Variants in BAIAP2 observed in about 807,000 individuals in gnomAD.
BAIAP2 encodes BAR/IMD domain containing adaptor protein 2.
BAIAP2 carries 18 observed loss-of-function variants against 63.0 expected under a neutral mutation model. The ratio of observed to expected loss-of-function variants is 0.29; its 90% CI spans 0.20 to 0.42. The LOEUF (loss-of-function observed/expected upper bound fraction) is 0.42, where lower values mean the gene tolerates loss of function less well. Among genes scored for constraint, BAIAP2 ranks in the 10% least tolerant of loss-of-function variants. The pLI, the probability that BAIAP2 is intolerant of heterozygous loss-of-function variation, is 1.00. For synonymous variants in BAIAP2, 386 were observed against 307.6 expected (o/e 1.25, Z -2.67); for missense variants, 610 against 734.3 (o/e 0.83, Z 1.96).
At chr17:81,060,811 T>TTCC (rs1237953782) in intron 3 of BAIAP2, among the ~76,000 whole-genome samples, 3 of 151,650 alleles carry the variant, frequency 2.0e-5, no homozygotes, top group African/African-American at 4.8e-5. Context: ...GTTTATGCCA[T>TTCC]TCCTCCTCCT....
chr17:81,116,646 C>T lies in BAIAP2; in HGVS notation c.*807C>T, dbSNP rs1462154647. On this transcript the variant is annotated 3_prime_UTR_variant, in exon 14 of 14. Transcript: ENST00000428708. ...CCCAGGACTCCTGGGTGGACCTCCC[C>T]CCCCCACCTCCGCTGACTCCTGCAG... The T allele has an allele frequency of 2.6e-6, 1 of 387,168 alleles. No homozygotes were observed. The highest frequency in any genetic ancestry group is 4.8e-6 in the Non-Finnish European group (1 of 207,766). The allele number at this position is 387,168 out of a possible 1,614,324, so 24.0% of individuals were successfully genotyped here. A position where few individuals can be genotyped will look rare whatever the true frequency, so the allele number is the denominator to read the frequency against.
intron 3 of BAIAP2, among the ~76,000 whole-genome samples, chr17:81,078,335 G>A (rs374141162): frequency 1.0e-4 from 14 of 139,008 alleles, no homozygotes; most frequent in Admixed American, 2.9e-4. Flanking sequence ...GGTGGGAGCC[G>A]GGCGCTGTGG....
intron 1 of BAIAP2, 120 bp from the exon 2 acceptor site, chr17:81,053,548 T>G: frequency 9.9e-7 from 1 of 1,005,474 alleles, no homozygotes; most frequent in Non-Finnish European, 1.5e-6. Context: ...CCTTGAGCAT[T>G]TGTGGTGTCG....
rs79510785 is a variant in BAIAP2, at chr17:81,094,597, C to T, written c.490-5331C>T. ...CCCAGCCCGGGTCTTGCTCAGAGCA[C>T]GTGTGTTCAGCGTGAGATTTAAGGG... On this transcript the variant is annotated intron_variant, in intron 6 of 13. Transcript: ENST00000428708. Among the ~76,000 whole-genome samples, 130 of 152,294 alleles carry T rather than the reference C, an allele frequency of 8.5e-4. No homozygotes were observed. In the East Asian group the frequency reaches 0.023, roughly 27 times the overall value.
Position 81,084,841 on chromosome 17 carries a change from T to A in BAIAP2, c.227T>A (p.Leu76His). The change falls in exon 4 of 14, where the codon CTC (leucine) becomes CAC (histidine). Residue 76 changes from leucine to histidine, a missense_variant. By Grantham distance (99) the Leu-to-His change is moderately conservative. Around this residue, in one of 5 missense-constraint regions of BAIAP2, gnomAD observed 389 missense variants for 455.6 expected, o/e 0.85. Coordinates refer to ENST00000428708, the MANE Select transcript of BAIAP2 (RefSeq NM_001144888.2). ...CTGTTCTGCTTCCCAGGAGACGTTC[T>A]CTTCCAGATGGCTGAAGTCCACAGG... is the stretch of plus-strand genomic sequence containing the variant. ...SQGSKELGDV[L>H]FQMAEVHRQI... 1 of 1,613,848 alleles carries A rather than the reference T, an allele frequency of 6.2e-7. No homozygotes were observed. Among genetic ancestry groups the A allele is most frequent in the Non-Finnish European group, 8.5e-7 (1 of 1,180,018 alleles).
chr17:81,108,577 C>T lies in BAIAP2; in HGVS notation c.1535+68C>T, dbSNP rs566059164. On this transcript the variant is annotated intron_variant, in intron 13 of 13. Coordinates refer to ENST00000428708, the MANE Select transcript of BAIAP2 (RefSeq NM_001144888.2). ...GTGAAGAGGCCGGGTGGGGCAGGTCCCTCTGCTAGGACCTGGGGCCACCTC... is the reference window on the plus strand; with the variant it reads ...GTGAAGAGGCCGGGTGGGGCAGGTCTCTCTGCTAGGACCTGGGGCCACCTC... The T allele has an allele frequency of 5.4e-4, 856 of 1,592,056 alleles. 3 individuals are homozygous for T. The highest frequency in any genetic ancestry group is 2.7e-3 in the Admixed American group (160 of 59,884).
chr17:81,084,475 G>A (rs990266133), intron 3 of BAIAP2, among the ~76,000 whole-genome samples: 3 of 152,112 alleles, frequency 2.0e-5, no homozygotes, highest in South Asian at 2.1e-4. Context: ...GGGTCTCTGC[G>A]AACGACAGCC....
Position 81,116,349 on chromosome 17 carries a change from C to T in BAIAP2, c.*510C>T, listed in dbSNP as rs1395056576. On this transcript the variant is annotated 3_prime_UTR_variant, in exon 14 of 14. Coordinates refer to ENST00000428708, the MANE Select transcript of BAIAP2 (RefSeq NM_001144888.2). Reference sequence around the variant, plus strand: ...ATTCCCTGCAGGTCCGGCAGCTACACCTGGAGTGTGGGGCCTGGTCCCTCC... The same window carrying T: ...ATTCCCTGCAGGTCCGGCAGCTACATCTGGAGTGTGGGGCCTGGTCCCTCC... 8 of 1,609,232 alleles carry T rather than the reference C, an allele frequency of 5.0e-6. No homozygotes were observed. Among genetic ancestry groups the T allele is most frequent in the Non-Finnish European group, 5.9e-6 (7 of 1,178,138 alleles).
intron 3 of BAIAP2, among the ~76,000 whole-genome samples, chr17:81,073,073 T>TGCTCTGGG (rs2144862634): frequency 1.3e-5 from 2 of 152,192 alleles, no homozygotes; most frequent in East Asian, 3.9e-4. Context: ...GGAGGGTACC[T>TGCTCTGGG]GCTCTGGGGC....
At chr17:81,098,365 C>G (rs2057995139) in intron 6 of BAIAP2, among the ~76,000 whole-genome samples, 1 of 152,216 alleles carries the variant, frequency 6.6e-6, no homozygotes, top group Admixed American at 6.5e-5. Context: ...GTTGGAGAGG[C>G]CTGGGCTCAG....
At chr17:81,065,122 G>A (rs2051238829) in intron 3 of BAIAP2, among the ~76,000 whole-genome samples, 1 of 152,204 alleles carries the variant, frequency 6.6e-6, no homozygotes, top group Admixed American at 6.5e-5. Context: ...TCATCCTCTT[G>A]GGCTTTGTGC....
intron 1 of BAIAP2, among the ~76,000 whole-genome samples, 174 bp downstream of exon 1, chr17:81,035,482 AG>A (rs995261455): frequency 4.1e-5 from 6 of 147,784 alleles, no homozygotes; most frequent in African/African-American, 1.5e-4. Context: ...TGGGGTGGTG[AG>A]CCCGGCGCCG....
Position 81,106,923 on chromosome 17 carries a change from C to CGGGGCT in BAIAP2, c.1500+20_1500+25dup. 6 of 1,496,568 alleles carry CGGGGCT rather than the reference C, an allele frequency of 4.0e-6. No homozygotes were observed. The highest frequency in any genetic ancestry group is 5.4e-6 in the Non-Finnish European group (6 of 1,120,572). 92.7% of individuals were successfully genotyped at this position (1,496,568 alleles called of 1,614,324 possible). On this transcript the variant is annotated intron_variant, in intron 12 of 13. Coordinates refer to ENST00000428708, the MANE Select transcript of BAIAP2 (RefSeq NM_001144888.2). Reference sequence around the variant, plus strand: ...CTTCTCCCAGGTCAGTGGGCGGGGCCGGGGCTGGGAGGGGCCCGCAGGTGG... The same window carrying CGGGGCT: ...CTTCTCCCAGGTCAGTGGGCGGGGCCGGGGCTGGGGCTGGGAGGGGCCCGCAGGTGG...
At position 81,106,859 on chromosome 17, in the gene BAIAP2, C is replaced by T. The variant is rs780693390; in HGVS notation, c.1452C>T (p.Ser484=). The T allele has an allele frequency of 1.2e-5, 19 of 1,605,428 alleles. No individual in the cohort carries two copies. Among genetic ancestry groups the T allele is most frequent in the South Asian group, 5.6e-5 (5 of 89,764 alleles). The change falls in exon 12 of 14, where the codon AGC becomes AGT. Residue 484 remains serine (S), a synonymous_variant. Coordinates refer to ENST00000428708, the MANE Select transcript of BAIAP2 (RefSeq NM_001144888.2). ...GGGCCTTCCCCGCCCAGACGGCCAG[C>T]GGCTTCAAGCAGAGGCCCTACAGTG... ...ASRAFPAQTA[S]GFKQRPYSVA...
chr17:81,107,069 C>A, intron 12 of BAIAP2, 162 bp downstream of exon 12: 2 of 876,992 alleles, frequency 2.3e-6, no homozygotes, highest in Middle Eastern at 3.6e-4. Flanking sequence ...TGTGTACACA[C>A]CCCTGCTTCG....
At chr17:81,101,683 A>G (rs1322512681) in intron 7 of BAIAP2, among the ~76,000 whole-genome samples, 3 of 152,186 alleles carry the variant, frequency 2.0e-5, no homozygotes, top group Non-Finnish European at 4.4e-5. Flanking sequence ...TCCAGTCCCC[A>G]CAGCCTGGGG....
chr17:81,040,327 G>A (rs2046905193), intron 1 of BAIAP2, among the ~76,000 whole-genome samples: 1 of 152,226 alleles, frequency 6.6e-6, no homozygotes, highest in African/African-American at 2.4e-5. Flanking sequence ...GCCCCCCACA[G>A]CCTGCGCTAA....
chr17:81,069,609 G>A (rs1473495475), intron 3 of BAIAP2, among the ~76,000 whole-genome samples: 4 of 152,290 alleles, frequency 2.6e-5, no homozygotes, highest in East Asian at 3.9e-4. Context: ...CTTCCTTTTC[G>A]GGAGGTGTAG....
At chr17:81,039,125 C>T (rs1418468109) in intron 1 of BAIAP2, among the ~76,000 whole-genome samples, 3 of 152,246 alleles carry the variant, frequency 2.0e-5, no homozygotes, top group Admixed American at 2.0e-4. Flanking sequence ...TCTACATGTG[C>T]ATGTCTGTGT....
Sources: allele counts gnomAD v4.1 joint callset (sites outside exome capture counted in the v4.1 genomes callset), GRCh38; gene constraint gnomAD v4.1.1; regional missense constraint gnomAD v4.1.1; transcripts MANE v1.5; gene names NCBI Gene and HGNC (gene_info 2026-07-23, HGNC 2026-07-21).